The following ABLIM1 variants were observed in gnomAD, a reference collection of about 807,000 sequenced individuals.
ABLIM1 encodes the protein actin-binding LIM protein 1.
In ABLIM1, 40 loss-of-function variants were observed where a neutral mutation model predicts 107.0. That is an observed-to-expected ratio of 0.37 (90% CI 0.29 to 0.49). The LOEUF (loss-of-function observed/expected upper bound fraction) is 0.49, where lower values mean the gene tolerates loss of function less well. ABLIM1 is among the 20% of genes least tolerant of loss of function. The pLI is 0.97. For synonymous variants in ABLIM1, 357 were observed against 357.3 expected, an observed-to-expected ratio of 1.00 and a Z score of 0.01; for missense variants, 857 against 1,008.5, an observed-to-expected ratio of 0.85 and a Z score of 2.04.
At chr10:114,728,448 G>A (rs2082004394) in intron 1 of ABLIM1, among the ~76,000 whole-genome samples, 1 of 145,750 alleles carries the variant, frequency 6.9e-6, no homozygotes, top group Non-Finnish European at 1.5e-5. Flanking sequence ...AAGGGAGGGA[G>A]TATCTAAATA....
chr10:114,730,872 T>A (rs1407424831), intron 1 of ABLIM1, among the ~76,000 whole-genome samples: 1 of 152,132 alleles, frequency 6.6e-6, no homozygotes, highest in Non-Finnish European at 1.5e-5. Context: ...TCCCTAGACA[T>A]TTACCTATTC....
intron 2 of ABLIM1, among the ~76,000 whole-genome samples, chr10:114,594,169 C>T (rs1447694341): frequency 6.6e-6 from 1 of 152,046 alleles, no homozygotes; most frequent in African/African-American, 2.4e-5. Flanking sequence ...TAGTTTTGCC[C>T]CAAAATAACC....
intron 1 of ABLIM1, among the ~76,000 whole-genome samples, chr10:114,603,317 A>G (rs2076167660): frequency 2.0e-5 from 3 of 152,166 alleles, no homozygotes; most frequent in Admixed American, 2.0e-4. Context: ...AGATAGTCCA[A>G]ATAATCCATT....
At chr10:114,473,731 G>A (rs1220221900) in intron 9 of ABLIM1, 148 bp downstream of exon 9, 1 of 588,074 alleles carries the variant, frequency 1.7e-6, no homozygotes, top group Non-Finnish European at 3.0e-6. Context: ...AGTGATTGAG[G>A]AGACTGTTCT....
chr10:114,778,206 A>G, the ABLIM1 span: 1 of 152,676 alleles, frequency 6.5e-6, no homozygotes, highest in Admixed American at 6.5e-5. Context: ...TCTACAAAAA[A>G]TACAAAAATT....
intron 10 of ABLIM1, among the ~76,000 whole-genome samples, chr10:114,469,554 G>A (rs369835382): frequency 1.3e-5 from 2 of 152,248 alleles, no homozygotes; most frequent in African/African-American, 2.4e-5. Context: ...CAGCATCTCC[G>A]TGACCATTCT....
At chr10:114,574,174 C>T (rs1343790765) in intron 3 of ABLIM1, among the ~76,000 whole-genome samples, 2 of 152,128 alleles carry the variant, frequency 1.3e-5, no homozygotes, top group African/African-American at 4.8e-5. Context: ...AAACAGACAA[C>T]ACGTCTCCTC....
chr10:114,747,408 C>G (rs565809881), intron 1 of ABLIM1, among the ~76,000 whole-genome samples: 1 of 152,120 alleles, frequency 6.6e-6, no homozygotes, highest in Admixed American at 6.6e-5. Context: ...CCTGTCTCTC[C>G]GCTCTGCTCT....
chr10:114,708,372 T>A (rs112926887), intron 1 of ABLIM1, among the ~76,000 whole-genome samples: 1 of 152,302 alleles, frequency 6.6e-6, no homozygotes, highest in Non-Finnish European at 1.5e-5. Context: ...CCAGGCTCCT[T>A]CTGCCACAGA....
chr10:114,523,273 C>G (rs2136559385), intron 6 of ABLIM1, among the ~76,000 whole-genome samples: 1 of 152,310 alleles, frequency 6.6e-6, no homozygotes, highest in South Asian at 2.1e-4. Context: ...TCTGCACAGT[C>G]TGGAAACTTC....
chr10:114,608,980 A>T (rs909019400), intron 1 of ABLIM1, among the ~76,000 whole-genome samples: 2 of 151,050 alleles, frequency 1.3e-5, no homozygotes, highest in African/African-American at 4.9e-5. Flanking sequence ...GTGCCACTGT[A>T]CTCTAGCCTG....
chr10:114,773,611 A>C, the ABLIM1 span, among the ~76,000 whole-genome samples: 2 of 152,114 alleles, frequency 1.3e-5, no homozygotes, highest in Non-Finnish European at 2.9e-5. Context: ...AATCCCAGCT[A>C]CTCAGGAGGC....
intron 1 of ABLIM1, chr10:114,610,777 T>A (rs911416078): frequency 6.6e-6 from 1 of 152,202 alleles, no homozygotes; most frequent in Non-Finnish European, 1.5e-5. Context: ...GTAAACAGAA[T>A]TATTAGTTGG....
In ABLIM1 at chr10:114,690,704, T is replaced by TG. The variant is rs1291731537; in HGVS notation, c.-213+77356dup. 1.3e-5 allele frequency: 6 copies of TG among 466,780 alleles called. No homozygotes were observed. The East Asian group carries it at 2.3e-4, about 18-fold the overall frequency. The allele number at this position is 466,780 out of a possible 1,614,324, so 28.9% of individuals were successfully genotyped here. A position where few individuals can be genotyped will look rare whatever the true frequency, so the allele number is the denominator to read the frequency against. ...CAAAAGCCTATTTTTTTTTTTGAGA[T>TG]GGAGTCTTGCTTTGTTGCCCAAGCT... On this transcript the variant is annotated intron_variant, in intron 1 of 15. Transcript: ENST00000651092.
the ABLIM1 span, among the ~76,000 whole-genome samples, chr10:114,781,650 A>G: frequency 5.2e-4 from 40 of 76,680 alleles, no homozygotes; most frequent in African/African-American, 1.9e-3. Context: ...GTGTGTGTGT[A>G]TATATATATG....
chr10:114,471,172 G>A (rs1012968489), intron 10 of ABLIM1, among the ~76,000 whole-genome samples: 1 of 152,194 alleles, frequency 6.6e-6, no homozygotes, highest in Non-Finnish European at 1.5e-5. Context: ...TGGTATTACG[G>A]ACATGAGTCA....
chr10:114,751,487 A>G (rs531248484), intron 1 of ABLIM1, among the ~76,000 whole-genome samples: 1 of 152,194 alleles, frequency 6.6e-6, no homozygotes, highest in East Asian at 1.9e-4. Context: ...CACAAGCACC[A>G]TTAAAAATGG....
chr10:114,708,209 T>G (rs1480782532), intron 1 of ABLIM1, among the ~76,000 whole-genome samples: 1 of 152,200 alleles, frequency 6.6e-6, no homozygotes, highest in Non-Finnish European at 1.5e-5. Flanking sequence ...ATCCAGCTTC[T>G]GGTACATTCT....
chr10:114,718,104 A>G (rs1234616360), intron 1 of ABLIM1, among the ~76,000 whole-genome samples: 3 of 64,616 alleles, frequency 4.6e-5, no homozygotes, highest in Non-Finnish European at 1.1e-4. Context: ...GAAAAGAAAA[A>G]GAAAAAGAAA....
Sources: allele counts gnomAD v4.1 joint callset (sites outside exome capture counted in the v4.1 genomes callset), GRCh38; gene constraint gnomAD v4.1.1; transcripts MANE v1.5; gene names NCBI Gene and HGNC (gene_info 2026-07-23, HGNC 2026-07-21).